NME6: variants seen among roughly 807,000 people sequenced by gnomAD.
NME6 encodes the protein NME/NM23 nucleoside diphosphate kinase 6.
A neutral mutation model predicts 22.2 loss-of-function variants in NME6; 16 were observed. The ratio of observed to expected loss-of-function variants is 0.72; its 90% CI spans 0.49 to 1.09. The LOEUF is 1.09. Ranked by LOEUF, NME6 falls within the 50% of genes least tolerant of loss-of-function variation. NME6 has a pLI of 0.00. For missense variants in NME6, 229 were observed against 239.0 expected (o/e 0.96, Z 0.28); for synonymous variants, 58 against 85.2 (o/e 0.68, Z 1.76).
Position 48,301,327 on chromosome 3 carries a change from C to T in NME6, c.-8+26G>A, listed in dbSNP as rs566504272. On this transcript the variant is annotated intron_variant, in intron 1 of 5. Coordinates refer to ENST00000442597, the MANE Select transcript of NME6 (RefSeq NM_001308426.2). ...TTCTGGGTCATTCGGAGCCCCAGTG[C>T]AGCAGAAGTCCGGCTGCGGGTTCAC... 41 of 1,584,540 alleles carry T rather than the reference C, an allele frequency of 2.6e-5. No individual in the cohort carries two copies. The South Asian group carries it at 4.3e-4, about 16-fold the overall frequency.
At chr3:48,291,760 GTTTTGTTTTGTTTCA>G (rs1210995707), downstream of NME6, 5 of 152,370 alleles carry the variant, frequency 3.3e-5, no homozygotes, top group African/African-American at 1.2e-4. Flanking sequence ...GCAATAGTTT[GTTTTGTTTTGTTTCA>G]TTTTGTTTTG....
downstream of NME6, chr3:48,291,390 C>CT (rs771962225): frequency 6.4e-4 from 267 of 415,396 alleles, 1 homozygote; most frequent in Non-Finnish European, 5.2e-4. Context: ...ATGTCATACT[C>CT]TTATTTTTTT....
At chr3:48,300,318 C>G (rs1378918335) in intron 1 of NME6, 2 of 456,812 alleles carry the variant, frequency 4.4e-6, no homozygotes, top group Non-Finnish European at 8.8e-6. Flanking sequence ...TTAAGTTTCT[C>G]TAGCTCCAAC....
At position 48,293,339 on chromosome 3, in the gene NME6, A is replaced by G. The variant is rs1021235943; in HGVS notation, c.*1298T>C. Reference sequence around the variant, plus strand: ...CAAATTTCCTGGTCTACCATTAGTGAAAGTGGCAGATGGTGAAGGCAATTT... The same window carrying G: ...CAAATTTCCTGGTCTACCATTAGTGGAAGTGGCAGATGGTGAAGGCAATTT... On this transcript the variant is annotated 3_prime_UTR_variant, in exon 6 of 6. Coordinates refer to ENST00000442597, the MANE Select transcript of NME6 (RefSeq NM_001308426.2). 6 of 152,234 alleles carry G rather than the reference A, an allele frequency of 3.9e-5. No individual in the cohort carries two copies. The highest frequency in any genetic ancestry group is 1.4e-4 in the African/African-American group (6 of 41,458). The allele number at this position is 152,234 out of a possible 1,614,324, so 9.4% of individuals were successfully genotyped here.
downstream of NME6, chr3:48,288,789 AC>A (rs2034287682): frequency 6.6e-6 from 1 of 152,150 alleles, no homozygotes; most frequent in Non-Finnish European, 1.5e-5. Flanking sequence ...TACTAGGAGA[AC>A]CTAGTTGGAC....
chr3:48,295,915 C>T, intron 4 of NME6: 2 of 591,448 alleles, frequency 3.4e-6, no homozygotes, highest in Non-Finnish European at 6.1e-6. Context: ...CGGTGTTTCA[C>T]CACATTGGCC....
chr3:48,295,983 C>T lies in NME6; in HGVS notation c.233+136G>A, dbSNP rs528921869. ...CCACCCGCCTCAGCCTCCCAAAGTG[C>T]TGGGATTACAGGCATGAGCCACCGT... On this transcript the variant is annotated intron_variant, in intron 4 of 5. Transcript: ENST00000442597. 3 of 718,900 alleles carry T rather than the reference C, an allele frequency of 4.2e-6. No homozygotes were observed. The South Asian group carries it at 4.7e-5, about 11-fold the overall frequency. 44.5% of individuals were successfully genotyped at this position (718,900 alleles called of 1,614,324 possible). A position where few individuals can be genotyped will look rare whatever the true frequency, so the allele number is the denominator to read the frequency against.
chr3:48,290,315 A>G (rs1249500767), downstream of NME6, among the ~76,000 whole-genome samples: 1 of 152,106 alleles, frequency 6.6e-6, no homozygotes, highest in Non-Finnish European at 1.5e-5. Flanking sequence ...TTTTCTAAAA[A>G]GATGCAACAA....
chr3:48,290,019 C>A (rs934674741), downstream of NME6, among the ~76,000 whole-genome samples: 17 of 150,416 alleles, frequency 1.1e-4, no homozygotes, highest in African/African-American at 4.1e-4. Context: ...CACATTTTTT[C>A]AAAAAGAAAT....
At chr3:48,287,660 A>T (rs2034251317), downstream of NME6, 1 of 152,212 alleles carries the variant, frequency 6.6e-6, no homozygotes, top group African/African-American at 2.4e-5. Context: ...TCTCTTGATG[A>T]TCCAAGAAAG....
downstream of NME6, among the ~76,000 whole-genome samples, chr3:48,290,120 G>A (rs1209536556): frequency 1.3e-5 from 2 of 151,798 alleles, no homozygotes; most frequent in East Asian, 3.9e-4. Flanking sequence ...GAGAGCAGTG[G>A]CACAATCACG....
intron 1 of NME6, chr3:48,299,300 T>C: frequency 4.0e-6 from 1 of 251,090 alleles, no homozygotes; most frequent in Non-Finnish European, 7.5e-6. Context: ...AAGAGCTCAA[T>C]ATTGTAGAAA....
At chr3:48,300,497 G>A (rs2035576862) in intron 1 of NME6, 3 of 377,406 alleles carry the variant, frequency 7.9e-6, no homozygotes, top group South Asian at 2.0e-5. Flanking sequence ...CTTCAGTTCC[G>A]TCTTCACCAC....
intron 1 of NME6, 199 bp downstream of exon 1, chr3:48,301,154 C>A: frequency 8.6e-6 from 9 of 1,044,224 alleles, no homozygotes; most frequent in Non-Finnish European, 1.1e-5. Flanking sequence ...CACCCACGCG[C>A]GGCCGGGACC....
At chr3:48,290,497 A>G (rs1047529845), downstream of NME6, among the ~76,000 whole-genome samples, 2 of 152,196 alleles carry the variant, frequency 1.3e-5, no homozygotes, top group Non-Finnish European at 2.9e-5. Flanking sequence ...ACTCTTAGCA[A>G]TTTTGAAATG....
At chr3:48,300,699 A>G (rs2035602097) in intron 1 of NME6, 2 of 214,280 alleles carry the variant, frequency 9.3e-6, no homozygotes, top group African/African-American at 2.3e-5. Flanking sequence ...CTCTTGGTTT[A>G]CAACAAACTG....
chr3:48,299,212 G>T, intron 1 of NME6: 1 of 472,222 alleles, frequency 2.1e-6, no homozygotes, highest in Non-Finnish European at 3.7e-6. Flanking sequence ...AAAGGTGCTT[G>T]ATCAATTTTA....
intron 2 of NME6, 134 bp from the exon 3 acceptor site, chr3:48,296,963 G>A (rs2035180091): frequency 1.1e-5 from 7 of 638,858 alleles, no homozygotes; most frequent in South Asian, 1.9e-5. Context: ...GGTGGGGTGA[G>A]GTGAAGACCT....
At chr3:48,301,096 G>C (rs572979043) in intron 1 of NME6, among the ~76,000 whole-genome samples, 2 of 152,070 alleles carry the variant, frequency 1.3e-5, no homozygotes, top group African/African-American at 4.8e-5. Context: ...CCCAGCACTC[G>C]AGGGGGCCAC....
Sources: allele counts gnomAD v4.1 joint callset (sites outside exome capture counted in the v4.1 genomes callset), GRCh38; gene constraint gnomAD v4.1.1; transcripts MANE v1.5; gene names NCBI Gene and HGNC (gene_info 2026-07-23, HGNC 2026-07-21).